RERE: variants seen among roughly 807,000 people sequenced by gnomAD.
RERE encodes arginine-glutamic acid dipeptide repeats protein.
In RERE, 40 loss-of-function variants were observed where a neutral mutation model predicts 146.1. The observed-to-expected ratio is 0.27, with a 90% CI of 0.21 to 0.36. The LOEUF (loss-of-function observed/expected upper bound fraction) is 0.36, where lower values mean the gene tolerates loss of function less well. RERE is among the 10% of genes least tolerant of loss of function. The pLI is 1.00. For synonymous variants in RERE, 1,003 were observed against 866.0 expected, an observed-to-expected ratio of 1.16 and a Z score of -2.78; for missense variants, 1,933 against 2,138.7, an observed-to-expected ratio of 0.90 and a Z score of 1.90.
At chr1:8,736,408 C>A (rs776559604) in intron 1 of RERE, among the ~76,000 whole-genome samples, 1 of 152,062 alleles carries the variant, frequency 6.6e-6, no homozygotes, top group Non-Finnish European at 1.5e-5. Flanking sequence ...GGGGTTTCAC[C>A]GTCTTAACCA....
At chr1:8,717,827 C>T (rs1476724474) in intron 1 of RERE, among the ~76,000 whole-genome samples, 1 of 152,160 alleles carries the variant, frequency 6.6e-6, no homozygotes, top group Non-Finnish European at 1.5e-5. Context: ...ATAGAAGATG[C>T]CATTGTGCTG....
At chr1:8,565,326 T>A (rs1257783171) in intron 4 of RERE, among the ~76,000 whole-genome samples, 5 of 152,218 alleles carry the variant, frequency 3.3e-5, no homozygotes, top group Admixed American at 6.5e-5. Context: ...TTATAAGTTG[T>A]CAGCTTACAA....
At chr1:8,754,559 T>C (rs953895363) in intron 1 of RERE, among the ~76,000 whole-genome samples, 7 of 152,118 alleles carry the variant, frequency 4.6e-5, no homozygotes, top group African/African-American at 7.2e-5. Flanking sequence ...TGGGAGGAAA[T>C]TGTTTGATCT....
intron 8 of RERE, among the ~76,000 whole-genome samples, chr1:8,499,507 T>C (rs909521210): frequency 8.5e-5 from 13 of 152,214 alleles, no homozygotes; most frequent in Non-Finnish European, 1.5e-5. Context: ...TGGGACCCAG[T>C]GTGTGTACAT....
chr1:8,590,871 C>T (rs41278974), intron 4 of RERE: 8,369 of 152,272 alleles, frequency 0.055, 419 homozygotes, highest in African/African-American at 0.13. Flanking sequence ...AGGGACCACA[C>T]GCCTGCTCTC....
chr1:8,513,961 T>C (rs1013109453), intron 7 of RERE, among the ~76,000 whole-genome samples: 9 of 152,212 alleles, frequency 5.9e-5, no homozygotes, highest in African/African-American at 2.2e-4. Context: ...ATGTCATGCA[T>C]TGGTTTTATA....
rs1569698185 is a variant in RERE, at chr1:8,746,373, C to T, written c.-145+70787G>A. On this transcript the variant is annotated intron_variant, in intron 1 of 22. Coordinates refer to ENST00000400908, the MANE Select transcript of RERE (RefSeq NM_001042681.2). ...CCAGGGTTGCTCACCATACTAAATCCTCCTGGCCACCATGACTTGTTCAAG... is the reference window on the plus strand; with the variant it reads ...CCAGGGTTGCTCACCATACTAAATCTTCCTGGCCACCATGACTTGTTCAAG... 2.6e-5 allele frequency among the ~76,000 whole-genome samples: 4 copies of T among 152,106 alleles called. 1 individual carries two copies. The highest frequency in any genetic ancestry group is 2.6e-4 in the Admixed American group (4 of 15,288).
intron 4 of RERE, among the ~76,000 whole-genome samples, chr1:8,577,162 CAA>C (rs1044225948): frequency 4.3e-5 from 5 of 117,388 alleles, no homozygotes; most frequent in Non-Finnish European, 3.6e-5. Context: ...GAGAGAGACT[CAA>C]AAAAAAAAAA....
chr1:8,428,137 C>G (rs1644042852), intron 11 of RERE, among the ~76,000 whole-genome samples: 1 of 152,166 alleles, frequency 6.6e-6, no homozygotes, highest in African/African-American at 2.4e-5. Flanking sequence ...ATTAGAATAG[C>G]AGGATGCCAA....
At chr1:8,629,903 C>T (rs1030909761) in intron 2 of RERE, among the ~76,000 whole-genome samples, 7 of 152,182 alleles carry the variant, frequency 4.6e-5, no homozygotes, top group African/African-American at 1.7e-4. Flanking sequence ...GTAAAAAGCA[C>T]GCATGAACAA....
chr1:8,722,143 A>G (rs911694589), intron 1 of RERE, among the ~76,000 whole-genome samples: 1 of 152,182 alleles, frequency 6.6e-6, no homozygotes, highest in Admixed American at 6.5e-5. Context: ...TAGAACCACA[A>G]ATAAAGCCAA....
At chr1:8,805,649 C>CAA (rs1229860670) in intron 1 of RERE, among the ~76,000 whole-genome samples, 15 of 60,552 alleles carry the variant, frequency 2.5e-4, no homozygotes, top group Admixed American at 4.0e-4. Context: ...GAATCCGTCT[C>CAA]AAAAAAAAAA....
chr1:8,653,927 C>T (rs1257571274), intron 2 of RERE, among the ~76,000 whole-genome samples: 1 of 152,092 alleles, frequency 6.6e-6, no homozygotes, highest in Non-Finnish European at 1.5e-5. Context: ...AAAACCTCCA[C>T]TCTGATCAAT....
intron 1 of RERE, among the ~76,000 whole-genome samples, chr1:8,766,251 G>GA (rs1377138631): frequency 1.3e-5 from 2 of 152,118 alleles, no homozygotes; most frequent in Non-Finnish European, 2.9e-5. Flanking sequence ...ATTCAAGCAA[G>GA]AGACAGTGGC....
At chr1:8,430,458 G>C (rs1644081157) in intron 11 of RERE, among the ~76,000 whole-genome samples, 1 of 152,098 alleles carries the variant, frequency 6.6e-6, no homozygotes, top group African/African-American at 2.4e-5. Context: ...GCAGCAAATG[G>C]GATAATTTAA....
intron 8 of RERE, among the ~76,000 whole-genome samples, chr1:8,503,176 A>G (rs997874581): frequency 1.3e-4 from 20 of 152,310 alleles, no homozygotes; most frequent in African/African-American, 4.8e-4. Flanking sequence ...ATGCAAATTA[A>G]TGGCACATAT....
chr1:8,794,267 G>T (rs975317427), intron 1 of RERE, among the ~76,000 whole-genome samples: 2 of 149,224 alleles, frequency 1.3e-5, no homozygotes, highest in African/African-American at 4.9e-5. Flanking sequence ...CAGCTACTCC[G>T]GAGGCTGAGG....
chr1:8,426,925 A>C (rs966771780), intron 11 of RERE, among the ~76,000 whole-genome samples: 5 of 152,234 alleles, frequency 3.3e-5, no homozygotes, highest in Admixed American at 3.3e-4. Context: ...CTGCTTACCC[A>C]AAAAGTCCAT....
intron 1 of RERE, among the ~76,000 whole-genome samples, chr1:8,687,717 T>C (rs1267432598): frequency 6.6e-6 from 1 of 152,236 alleles, no homozygotes; most frequent in African/African-American, 2.4e-5. Context: ...TCGTCATACA[T>C]AACTTGAAGG....
Sources: gnomAD v4.1 joint callset for allele counts (sites outside exome capture counted in the v4.1 genomes callset) on GRCh38, gnomAD v4.1.1 for gene constraint, MANE v1.5 for transcripts, NCBI Gene and HGNC (gene_info 2026-07-23, HGNC 2026-07-21) for gene names.